ZNF730: variants seen among roughly 807,000 people sequenced by gnomAD.
The protein encoded by ZNF730 is zinc finger protein 730.
ZNF730 carries 12 observed loss-of-function variants against 12.6 expected under a neutral mutation model. The ratio of observed to expected loss-of-function variants is 0.95; its 90% CI spans 0.61 to 1.54. The LOEUF (loss-of-function observed/expected upper bound fraction) is 1.54, where lower values mean the gene tolerates loss of function less well. ZNF730 is among the 40% of genes most tolerant of loss of function. The probability of loss-of-function intolerance (pLI) is 0.00; values close to 1 mark genes in which losing one functional copy is unlikely to be tolerated. For synonymous variants in ZNF730, 194 were observed against 195.8 expected (o/e 0.99, Z 0.08); for missense variants, 643 against 583.5 (o/e 1.10, Z -1.05).
intron 1 of ZNF730, chr19:23,127,210 T>C: frequency 1.7e-6 from 1 of 599,940 alleles, no homozygotes; most frequent in Non-Finnish European, 3.2e-6. Flanking sequence ...AATTACTCCA[T>C]CTGCTGATTT....
intron 1 of ZNF730, among the ~76,000 whole-genome samples, chr19:23,076,874 GAC>G (rs1206310597): frequency 6.6e-6 from 1 of 152,056 alleles, no homozygotes; most frequent in Non-Finnish European, 1.5e-5. Context: ...CTACTATAAA[GAC>G]ACGTGCATGT....
At chr19:23,141,190 C>T (rs143831590) in intron 3 of ZNF730, among the ~76,000 whole-genome samples, 175 of 151,948 alleles carry the variant, frequency 1.2e-3, no homozygotes, top group African/African-American at 4.0e-3. Flanking sequence ...GTTAGGAAAT[C>T]GAGACCATCC....
intron 1 of ZNF730, among the ~76,000 whole-genome samples, chr19:23,076,744 G>A (rs1260856715): frequency 6.6e-6 from 1 of 152,204 alleles, no homozygotes; most frequent in Non-Finnish European, 1.5e-5. Context: ...ACTGGTGGGA[G>A]TTTAAATCAG....
intron 1 of ZNF730, among the ~76,000 whole-genome samples, chr19:23,087,770 C>T (rs1474248283): frequency 4.0e-5 from 6 of 151,720 alleles, no homozygotes; most frequent in Admixed American, 3.9e-4. Context: ...CATGCGCCAC[C>T]ACGCCTGGCT....
At chr19:23,105,812 T>A (rs764896019) in intron 1 of ZNF730, among the ~76,000 whole-genome samples, 2 of 152,168 alleles carry the variant, frequency 1.3e-5, no homozygotes, top group Non-Finnish European at 2.9e-5. Context: ...TTATAGCAGT[T>A]GAATAAACTG....
intron 1 of ZNF730, among the ~76,000 whole-genome samples, chr19:23,132,463 TTATAA>T (rs1970756017): frequency 6.6e-6 from 1 of 152,222 alleles, no homozygotes; most frequent in Non-Finnish European, 1.5e-5. Flanking sequence ...TTTAAAATTC[TTATAA>T]TAGTCAAGGA....
intron 1 of ZNF730, among the ~76,000 whole-genome samples, chr19:23,082,669 A>T (rs529675052): frequency 6.6e-6 from 1 of 151,436 alleles, no homozygotes; most frequent in Non-Finnish European, 1.5e-5. Context: ...ATAGCTAAGT[A>T]GTATTGTATT....
chr19:23,105,933 T>G (rs1970387697), intron 1 of ZNF730, among the ~76,000 whole-genome samples: 1 of 152,160 alleles, frequency 6.6e-6, no homozygotes, highest in Non-Finnish European at 1.5e-5. Context: ...GTGAAGGAAG[T>G]AAGATCCAAA....
chr19:23,091,448 C>T (rs1970158975), intron 1 of ZNF730, among the ~76,000 whole-genome samples: 1 of 152,170 alleles, frequency 6.6e-6, no homozygotes, highest in South Asian at 2.1e-4. Context: ...GGTAGATTCA[C>T]CCACAGCTTG....
upstream of ZNF730, among the ~76,000 whole-genome samples, chr19:23,114,029 C>A (rs1970485199): frequency 6.6e-6 from 1 of 152,176 alleles, no homozygotes; most frequent in Non-Finnish European, 1.5e-5. Context: ...GTACCAACAA[C>A]TGTGTTTTGG....
At position 23,134,110 on chromosome 19, in the gene ZNF730, GA is replaced by G; in HGVS notation, c.36del (p.Glu12AspfsTer21). 1.2e-6 allele frequency: 2 copies of G among 1,613,562 alleles called. No homozygotes were observed. The highest frequency in any genetic ancestry group is 1.7e-4 in the Middle Eastern group (1 of 6,058). On this transcript the variant is annotated frameshift_variant, in exon 2 of 4. Transcript: ENST00000597761. LOFTEE classifies it high-confidence loss of function. ...GTTGACATTTAGAGATGTGGCCATA[GA>G]ATTCTCTCTGGAGGAGTGGCAATGT... The part of the protein sequence containing the change: ...GALTFRDVAI[E>X]FSLEEWQCLD...
rs1007411361 is a variant in ZNF730 at position 23,133,673 on chromosome 19, GAC to G, written c.4-403_4-402del. Among the ~76,000 whole-genome samples the G allele has an allele frequency of 3.0e-4, 46 of 152,248 alleles. 1 individual carries two copies. Among genetic ancestry groups the G allele is most frequent in the African/African-American group, 9.9e-4 (41 of 41,548 alleles). ...ACTCAGGCTTTATTCCAGACCTTCT[GAC>G]ACAGACTGCATTAACAAGATCTTCA... On this transcript the variant is annotated intron_variant, in intron 1 of 3. Transcript: ENST00000597761.
chr19:23,130,523 G>T (rs949968554), intron 1 of ZNF730, among the ~76,000 whole-genome samples: 11 of 152,098 alleles, frequency 7.2e-5, no homozygotes, highest in Non-Finnish European at 1.5e-4. Flanking sequence ...CTTTATTTCG[G>T]CCATGTTCTT....
intron 1 of ZNF730, among the ~76,000 whole-genome samples, chr19:23,098,720 C>T (rs1227344602): frequency 6.6e-6 from 1 of 152,138 alleles, no homozygotes; most frequent in East Asian, 1.9e-4. Flanking sequence ...GACTCTCCTG[C>T]CTGATCAGTG....
intron 3 of ZNF730, among the ~76,000 whole-genome samples, chr19:23,144,872 T>C (rs1970980733): frequency 1.3e-5 from 2 of 152,068 alleles, no homozygotes; most frequent in Admixed American, 6.6e-5. Context: ...TAGAAACCAG[T>C]GTCTAGAAAA....
upstream of ZNF730, among the ~76,000 whole-genome samples, chr19:23,115,086 T>A (rs1021566895): frequency 6.6e-6 from 1 of 152,120 alleles, no homozygotes; most frequent in South Asian, 2.1e-4. Flanking sequence ...TTCTGCAATT[T>A]CTTGACAGGA....
At chr19:23,131,696 G>A (rs907252047) in intron 1 of ZNF730, among the ~76,000 whole-genome samples, 1 of 152,190 alleles carries the variant, frequency 6.6e-6, no homozygotes, top group Admixed American at 6.5e-5. Flanking sequence ...CCCAGGTGGA[G>A]AAACATCAGC....
rs138126556 is a variant in ZNF730 at position 23,122,903 on chromosome 19, T to G, written c.3+5727T>G. 5.7e-3 allele frequency among the ~76,000 whole-genome samples: 864 copies of G among 152,334 alleles called. 11 individuals carry two copies. Among genetic ancestry groups the G allele is most frequent in the Middle Eastern group, 0.034 (10 of 294 alleles). ...ATACATTATGACAAGTACATTAAAA[T>G]TATTTATACTTAGATATTTATATCT... On this transcript the variant is annotated intron_variant, in intron 1 of 3. Coordinates refer to ENST00000597761, the MANE Select transcript of ZNF730 (RefSeq NM_001277403.2).
rs572455255 is a variant in ZNF730, at chr19:23,105,505, A to G, written c.-93-28575A>G. 1.3e-4 allele frequency among the ~76,000 whole-genome samples: 20 copies of G among 152,322 alleles called. No homozygotes were observed. The South Asian group carries it at 2.5e-3, about 19-fold the overall frequency. On this transcript the variant is annotated intron_variant, in intron 1 of 2. Transcript: ENST00000593635. ...CAGCAGAAAAAGGAAAAGAAAAAGCATATGTCTCAATGAGAGCACACAATT... is the reference window on the plus strand; with the variant it reads ...CAGCAGAAAAAGGAAAAGAAAAAGCGTATGTCTCAATGAGAGCACACAATT...
Sources: gnomAD v4.1 joint callset for allele counts (sites outside exome capture counted in the v4.1 genomes callset) on GRCh38, gnomAD v4.1.1 for gene constraint, MANE v1.5 for transcripts, NCBI Gene and HGNC (gene_info 2026-07-23, HGNC 2026-07-21) for gene names.